ST6GALNAC3: variants seen among roughly 807,000 people sequenced by gnomAD.
ST6GALNAC3 encodes the protein alpha-N-acetylgalactosaminide alpha-2,6-sialyltransferase 3.
Under a neutral mutation model 32.7 loss-of-function variants are expected in ST6GALNAC3, and 25 were observed. That is an observed-to-expected ratio of 0.76 (90% CI 0.56 to 1.07). The LOEUF (loss-of-function observed/expected upper bound fraction) is 1.07. Among genes scored for constraint, ST6GALNAC3 ranks in the 50% least tolerant of loss-of-function variants. The pLI is 0.00. For missense variants in ST6GALNAC3, 355 were observed against 382.4 expected, an observed-to-expected ratio of 0.93 and a Z score of 0.60; for synonymous variants, 129 against 133.1, an observed-to-expected ratio of 0.97 and a Z score of 0.21.
Position 76,550,578 on chromosome 1 carries a change from G to A in ST6GALNAC3, c.624-76874G>A, listed in dbSNP as rs75578788. ...ATATTATTGCATAGGGTTAGGTGTA[G>A]GGGCTTAGTAGCCATGCTGCTTGAG... On this transcript the variant is annotated intron_variant, in intron 3 of 4. Coordinates refer to ENST00000328299, the MANE Select transcript of ST6GALNAC3 (RefSeq NM_152996.4). Among the ~76,000 whole-genome samples, 1,027 of 152,230 alleles carry A rather than the reference G, an allele frequency of 6.7e-3. 16 individuals are homozygous for A. Among genetic ancestry groups the A allele is most frequent in the East Asian group, 0.041 (213 of 5,178 alleles).
intron 1 of ST6GALNAC3, among the ~76,000 whole-genome samples, chr1:76,222,954 A>C (rs1431533716): frequency 6.6e-6 from 1 of 152,196 alleles, no homozygotes; most frequent in Non-Finnish European, 1.5e-5. Context: ...TGTTTGTGGG[A>C]GGGTAAATTA....
chr1:76,142,197 C>G (rs992166579), intron 1 of ST6GALNAC3, among the ~76,000 whole-genome samples: 1 of 152,138 alleles, frequency 6.6e-6, no homozygotes, highest in Non-Finnish European at 1.5e-5. Context: ...TTTGTTAGGG[C>G]AGCAGTCAAG....
rs115024152 is a variant in ST6GALNAC3 at position 76,185,556 on chromosome 1, A to C, written c.18+110672A>C. The stretch of plus-strand genomic sequence containing the variant: ...GTGGTTTCATCTGTGCCTCACTCTG[A>C]ATTTTACTCTGGGCTCCTCACCCCT... On this transcript the variant is annotated intron_variant, in intron 1 of 4. Coordinates refer to ENST00000328299, the MANE Select transcript of ST6GALNAC3 (RefSeq NM_152996.4). Among the ~76,000 whole-genome samples, 1,006 of 152,272 alleles carry C rather than the reference A, an allele frequency of 6.6e-3. 6 individuals carry two copies. The highest frequency in any genetic ancestry group is 0.02 in the Middle Eastern group (6 of 294).
chr1:76,544,185 A>G (rs1250425751), intron 3 of ST6GALNAC3, among the ~76,000 whole-genome samples: 1 of 152,012 alleles, frequency 6.6e-6, no homozygotes, highest in Non-Finnish European at 1.5e-5. Flanking sequence ...TTTTATATGG[A>G]AAGAGAGTAT....
At chr1:76,461,103 A>C (rs899767205) in intron 3 of ST6GALNAC3, among the ~76,000 whole-genome samples, 14 of 152,170 alleles carry the variant, frequency 9.2e-5, no homozygotes, top group African/African-American at 2.9e-4. Flanking sequence ...CAGAAATGGA[A>C]TCCTGGGAGT....
rs545611944 is a variant in ST6GALNAC3 at position 76,454,681 on chromosome 1, G to A, written c.623+42264G>A. Among the ~76,000 whole-genome samples, 8 of 152,162 alleles carry A rather than the reference G, an allele frequency of 5.3e-5. No individual in the cohort carries two copies. The South Asian group carries it at 1.7e-3, about 32-fold the overall frequency. The stretch of plus-strand genomic sequence containing the variant: ...TAATCTGATAGGTTTTCCTTTATAG[G>A]TTACCTGGTGCTTTTGCCTCATGGC... On this transcript the variant is annotated intron_variant, in intron 3 of 4. Transcript: ENST00000328299.
intron 3 of ST6GALNAC3, among the ~76,000 whole-genome samples, chr1:76,570,877 G>C (rs2100490286): frequency 6.6e-6 from 1 of 152,002 alleles, no homozygotes; most frequent in South Asian, 2.1e-4. Flanking sequence ...ACAGGCCCAT[G>C]TCCTTAGGTG....
intron 3 of ST6GALNAC3, among the ~76,000 whole-genome samples, chr1:76,462,086 G>A (rs906047094): frequency 3.3e-5 from 5 of 151,950 alleles, no homozygotes; most frequent in Non-Finnish European, 7.4e-5. Context: ...TGTTGTCATC[G>A]ATATGGCAAC....
At chr1:76,112,637 C>A (rs1394455175) in intron 1 of ST6GALNAC3, among the ~76,000 whole-genome samples, 1 of 150,692 alleles carries the variant, frequency 6.6e-6, no homozygotes, top group South Asian at 2.1e-4. Flanking sequence ...GGTTGCTGGG[C>A]GGAGGGGCTC....
intron 3 of ST6GALNAC3, among the ~76,000 whole-genome samples, chr1:76,575,150 C>T (rs1570334854): frequency 6.6e-6 from 1 of 152,058 alleles, no homozygotes; most frequent in African/African-American, 2.4e-5. Context: ...CAACAGTTCA[C>T]CTTTATATGC....
At chr1:76,168,221 T>C (rs978639689) in intron 1 of ST6GALNAC3, among the ~76,000 whole-genome samples, 2 of 152,230 alleles carry the variant, frequency 1.3e-5, no homozygotes, top group Non-Finnish European at 2.9e-5. Flanking sequence ...CTTCTTGATT[T>C]CTGCCTTAAT....
In ST6GALNAC3 at chr1:76,320,981, C is replaced by CAT. The variant is rs201306324; in HGVS notation, c.213+6983_213+6984insTA. ...ATATATATACACACACACACACACA[C>CAT]ACATTATATATATATATATATAGTC... On this transcript the variant is annotated intron_variant, in intron 2 of 4. Transcript: ENST00000328299. Among the ~76,000 whole-genome samples, 1,502 of 151,558 alleles carry CAT rather than the reference C, an allele frequency of 9.9e-3. 31 individuals carry two copies. The highest frequency in any genetic ancestry group is 0.035 in the African/African-American group (1,435 of 41,030).
intron 2 of ST6GALNAC3, among the ~76,000 whole-genome samples, chr1:76,400,286 C>G (rs1370141518): frequency 6.6e-6 from 1 of 152,160 alleles, no homozygotes; most frequent in East Asian, 1.9e-4. Context: ...TTGAGACAAT[C>G]AAATGATTTT....
At chr1:76,418,842 A>G (rs1450801645) in intron 3 of ST6GALNAC3, among the ~76,000 whole-genome samples, 1 of 152,034 alleles carries the variant, frequency 6.6e-6, no homozygotes, top group Non-Finnish European at 1.5e-5. Context: ...ATTATGAAAC[A>G]GGGGAACTTC....
At chr1:76,459,231 T>G (rs1658097982) in intron 3 of ST6GALNAC3, among the ~76,000 whole-genome samples, 1 of 152,154 alleles carries the variant, frequency 6.6e-6, no homozygotes, top group South Asian at 2.1e-4. Context: ...ATAGCACCCT[T>G]AAACAATAAG....
At chr1:76,561,166 G>T (rs1665219441) in intron 3 of ST6GALNAC3, among the ~76,000 whole-genome samples, 1 of 152,132 alleles carries the variant, frequency 6.6e-6, no homozygotes, top group African/African-American at 2.4e-5. Context: ...TAGAATTCAT[G>T]GAGATAGAGA....
intron 3 of ST6GALNAC3, among the ~76,000 whole-genome samples, chr1:76,491,145 A>C (rs1660475618): frequency 6.6e-6 from 1 of 152,130 alleles, no homozygotes; most frequent in South Asian, 2.1e-4. Context: ...GGTGTGAGCC[A>C]CCGCACCTGG....
Position 76,630,973 on chromosome 1 carries a change from T to C in ST6GALNAC3, c.*2167T>C. 1.0e-6 allele frequency: 1 copy of C among 985,640 alleles called. No individual in the cohort carries two copies. Among genetic ancestry groups the C allele is most frequent in the East Asian group, 1.1e-4 (1 of 8,812 alleles). The allele number at this position is 985,640 out of a possible 1,614,324, so 61.1% of individuals were successfully genotyped here. On this transcript the variant is annotated 3_prime_UTR_variant, in exon 5 of 5. Transcript: ENST00000328299. ...AGAATGGCTTGGGACATGAACTTAATTTATTTAGTTTTCTAATAAATGAAG... is the reference window on the plus strand; with the variant it reads ...AGAATGGCTTGGGACATGAACTTAACTTATTTAGTTTTCTAATAAATGAAG...
chr1:76,172,152 G>A (rs1256168195), intron 1 of ST6GALNAC3, among the ~76,000 whole-genome samples: 2 of 152,138 alleles, frequency 1.3e-5, no homozygotes, highest in East Asian at 3.8e-4. Context: ...GATCAAGTTG[G>A]CTTTATCGCT....
Sources: gnomAD v4.1 joint callset for allele counts (sites outside exome capture counted in the v4.1 genomes callset) on GRCh38, gnomAD v4.1.1 for gene constraint, MANE v1.5 for transcripts, NCBI Gene and HGNC (gene_info 2026-07-23, HGNC 2026-07-21) for gene names.